Variants in GPR55 observed in about 807,000 individuals in gnomAD.
GPR55 encodes G protein-coupled receptor 55.
A neutral mutation model predicts 7.9 loss-of-function variants in GPR55; 6 were observed. That is an observed-to-expected ratio of 0.76 (90% CI 0.41 to 1.49). GPR55 has a LOEUF of 1.49. Ranked by LOEUF, GPR55 falls within the 40% of genes most tolerant of loss-of-function variation. GPR55 has a pLI of 0.01. For missense variants in GPR55, 376 were observed against 406.0 expected, an observed-to-expected ratio of 0.93 and a Z score of 0.63; for synonymous variants, 183 against 166.8, an observed-to-expected ratio of 1.10 and a Z score of -0.75.
intron 1 of GPR55, among the ~76,000 whole-genome samples, chr2:230,912,452 T>G (rs1690615347): frequency 6.6e-6 from 1 of 152,100 alleles, no homozygotes; most frequent in African/African-American, 2.4e-5. Context: ...GTTTTTGAGA[T>G]GGAGTCTCAC....
upstream of GPR55, among the ~76,000 whole-genome samples, chr2:230,926,539 G>A (rs114640481): frequency 4.8e-3 from 733 of 152,274 alleles, 6 homozygotes; most frequent in African/African-American, 0.017. Flanking sequence ...GAAACACACC[G>A]GTGTCTGGCA....
At position 230,944,053 on chromosome 2, in the gene GPR55, C is replaced by T. The variant is rs1691275737; in HGVS notation, c.-135+16722G>A. 6.6e-6 allele frequency among the ~76,000 whole-genome samples: 1 copy of T among 152,234 alleles called. No individual in the cohort carries two copies. Among genetic ancestry groups the T allele is most frequent in the South Asian group, 2.1e-4 (1 of 4,830 alleles). ...CTGTCCCTCTTCTCCCTGGCCCTAG[C>T]CCAGGAGGAGGACCAGCAAGAGTAG... On this transcript the variant is annotated intron_variant, in intron 1 of 1. Coordinates refer to the GPR55 transcript ENST00000392039. The surrounding 1 kb of genome is among the most constrained non-coding windows in gnomAD (Gnocchi z 4.2).
At chr2:230,945,947 A>G (rs1241689776) in intron 1 of GPR55, among the ~76,000 whole-genome samples, 3 of 152,238 alleles carry the variant, frequency 2.0e-5, no homozygotes, top group Non-Finnish European at 4.4e-5. Context: ...TTTATTCACA[A>G]TAACCAAGAT....
At position 230,933,458 on chromosome 2, in the gene GPR55, G is replaced by A. The variant is rs181118760; in HGVS notation, c.-134-22362C>T. Among the ~76,000 whole-genome samples the A allele has an allele frequency of 3.4e-3, 513 of 152,338 alleles. 2 individuals carry two copies. The highest frequency in any genetic ancestry group is 0.012 in the African/African-American group (492 of 41,578). On this transcript the variant is annotated intron_variant, in intron 1 of 1. Transcript: ENST00000392039. ...GCAGCCCATGGTGTGCAGCTGCTGG[G>A]CAGCCTGGCAGGCCCTCCAGGAAGC...
chr2:230,957,401 G>C (rs1044498907), intron 1 of GPR55, among the ~76,000 whole-genome samples: 74 of 152,294 alleles, frequency 4.9e-4, no homozygotes, highest in African/African-American at 1.7e-3. Context: ...GCATGGATAC[G>C]CGGGACAGAG....
chr2:230,923,836 C>T lies in GPR55; in HGVS notation c.-135+1332G>A, dbSNP rs1349335696. On this transcript the variant is annotated intron_variant, in intron 1 of 1. Coordinates refer to ENST00000650999, the MANE Select transcript of GPR55 (RefSeq NM_005683.4). This position sits in a 1 kb window ranked among gnomAD's most constrained non-coding sequence, Gnocchi z 4.1. ...TCATGTTCTGAGTCTCTCCTCCTCG[C>T]TCACCCTGGCCCCCATCAGCATCAC... Among the ~76,000 whole-genome samples, 1 of 151,872 alleles carries T rather than the reference C, an allele frequency of 6.6e-6. No homozygotes were observed.
At chr2:230,913,847 A>G (rs1299320606) in intron 1 of GPR55, among the ~76,000 whole-genome samples, 1 of 152,274 alleles carries the variant, frequency 6.6e-6, no homozygotes, top group Non-Finnish European at 1.5e-5. Context: ...ATTGGCTTGG[A>G]GAAGTTGTCT....
At chr2:230,934,365 C>G (rs1267420028) in intron 1 of GPR55, among the ~76,000 whole-genome samples, 1 of 152,256 alleles carries the variant, frequency 6.6e-6, no homozygotes, top group Non-Finnish European at 1.5e-5. Flanking sequence ...CTCTCCGACC[C>G]CAGCACAGCT....
At chr2:230,945,443 G>A (rs567225893) in intron 1 of GPR55, among the ~76,000 whole-genome samples, 110 of 152,282 alleles carry the variant, frequency 7.2e-4, no homozygotes, top group Non-Finnish European at 1.1e-3. Context: ...GGGGTGACTT[G>A]GAAAGAATGC....
rs1242717413 is a variant in GPR55 at position 230,908,189 on chromosome 2, C to T, written c.*1814G>A. On this transcript the variant is annotated 3_prime_UTR_variant, in exon 2 of 2. Transcript: ENST00000650999. ...ACTCTGTGGCTGTGGTTCTTAGAGG[C>T]CCAGCTCAGGGGGCCTGAGCCTCCG... 2 of 152,690 alleles carry T rather than the reference C, an allele frequency of 1.3e-5. No homozygotes were observed. Among genetic ancestry groups the T allele is most frequent in the African/African-American group, 4.8e-5 (2 of 41,438 alleles). The allele number at this position is 152,690 out of a possible 1,614,324, so 9.5% of individuals were successfully genotyped here.
intron 1 of GPR55, among the ~76,000 whole-genome samples, chr2:230,922,240 T>A (rs192545969): frequency 6.6e-6 from 1 of 152,286 alleles, no homozygotes; most frequent in East Asian, 1.9e-4. Flanking sequence ...GTATGTGACG[T>A]GTGGAAAGGG....
rs1553540361 is a variant in GPR55, at chr2:230,912,417, A to ATTTATT, written c.-134-1327_-134-1322dup. On this transcript the variant is annotated intron_variant, in intron 1 of 1. Transcript: ENST00000650999. ...TCCCATACTAGTGACCACTGCAGCT[A>ATTTATT]TTTATTTTTATTTTTATTTTTATTG... 7.9e-5 allele frequency among the ~76,000 whole-genome samples: 12 copies of ATTTATT among 152,000 alleles called. No homozygotes were observed. The South Asian group carries it at 2.1e-3, about 26-fold the overall frequency.
chr2:230,930,262 G>C (rs1158032152), intron 1 of GPR55, among the ~76,000 whole-genome samples: 1 of 152,142 alleles, frequency 6.6e-6, no homozygotes, highest in Non-Finnish European at 1.5e-5. Context: ...TTTCTTTTAT[G>C]TTTCCTGTTG....
rs79216451 is a variant in GPR55 at position 230,931,134 on chromosome 2, A to G, written c.-134-20038T>C. Among the ~76,000 whole-genome samples, 867 of 152,104 alleles carry G rather than the reference A, an allele frequency of 5.7e-3. 9 individuals carry two copies. The highest frequency in any genetic ancestry group is 0.02 in the African/African-American group (822 of 41,458). On this transcript the variant is annotated intron_variant, in intron 1 of 1. Coordinates refer to the GPR55 transcript ENST00000392039. ...TGCAGAGCTACCACCTCTGCTCTTT[A>G]ATGCCATCAAATATCTTCCAGGGCA...
At chr2:230,943,880 G>A (rs932490309) in intron 1 of GPR55, among the ~76,000 whole-genome samples, 1 of 152,252 alleles carries the variant, frequency 6.6e-6, no homozygotes, top group Non-Finnish European at 1.5e-5. Flanking sequence ...AAGCAGGGCA[G>A]ATGCCGGCAC....
chr2:230,942,678 G>A (rs1453656845), intron 1 of GPR55, among the ~76,000 whole-genome samples: 1 of 152,144 alleles, frequency 6.6e-6, no homozygotes, highest in African/African-American at 2.4e-5. Context: ...TCAGGGGGCT[G>A]CAGGGTGGCA....
chr2:230,948,789 C>T (rs1303203460), intron 1 of GPR55, among the ~76,000 whole-genome samples: 1 of 152,216 alleles, frequency 6.6e-6, no homozygotes, highest in Non-Finnish European at 1.5e-5. Context: ...AAAATATATT[C>T]CCTGAGGGTT....
chr2:230,930,946 G>T (rs910145197), intron 1 of GPR55, among the ~76,000 whole-genome samples: 1 of 151,960 alleles, frequency 6.6e-6, no homozygotes, highest in Admixed American at 6.6e-5. Context: ...TATATATTGG[G>T]GTGGAAGGTA....
chr2:230,915,169 C>T (rs993581464), intron 1 of GPR55, among the ~76,000 whole-genome samples: 4 of 152,194 alleles, frequency 2.6e-5, no homozygotes, highest in African/African-American at 9.7e-5. Flanking sequence ...TCACCATGGA[C>T]CTGAAGCAGC....
Sources: allele counts gnomAD v4.1 joint callset (sites outside exome capture counted in the v4.1 genomes callset), GRCh38; gene constraint gnomAD v4.1.1; non-coding constraint Gnocchi (gnomAD v3.1); transcripts MANE v1.5; gene names NCBI Gene and HGNC (gene_info 2026-07-23, HGNC 2026-07-21).